Variants in PLCB4 observed in about 807,000 individuals in gnomAD.
PLCB4 encodes the protein phospholipase C beta 4.
A neutral mutation model predicts 178.8 loss-of-function variants in PLCB4; 77 were observed. That is an observed-to-expected ratio of 0.43 (90% CI 0.36 to 0.52). PLCB4 has a LOEUF of 0.52. Among genes scored for constraint, PLCB4 ranks in the 20% least tolerant of loss-of-function variants. The pLI is 0.00. For missense variants in PLCB4, 1,024 were observed against 1,453.4 expected, an observed-to-expected ratio of 0.70 and a Z score of 4.80; for synonymous variants, 496 against 490.8, an observed-to-expected ratio of 1.01 and a Z score of -0.14.
intron 35 of PLCB4, among the ~76,000 whole-genome samples, chr20:9,464,956 A>G (rs2043665029): frequency 6.6e-6 from 1 of 152,206 alleles, no homozygotes; most frequent in Non-Finnish European, 1.5e-5. Context: ...TCCTGATACC[A>G]AAGCCTGGCA....
In PLCB4 at chr20:9,387,883, T is replaced by C. The variant is rs117862636; in HGVS notation, c.1158+327T>C. Reference sequence around the variant, plus strand: ...TACTTTACATTATTCCTAAAGGACTTCAAGGTGGCATAAAAAGATAAATAG... The same window carrying C: ...TACTTTACATTATTCCTAAAGGACTCCAAGGTGGCATAAAAAGATAAATAG... On this transcript the variant is annotated intron_variant, in intron 15 of 39. Transcript: ENST00000378473. 1.8e-4 allele frequency among the ~76,000 whole-genome samples: 27 copies of C among 152,350 alleles called. 2 individuals carry two copies. In the East Asian group the frequency reaches 5.0e-3, roughly 28 times the overall value.
intron 3 of PLCB4, among the ~76,000 whole-genome samples, chr20:9,263,270 A>G (rs2094316230): frequency 6.6e-6 from 1 of 152,200 alleles, no homozygotes; most frequent in African/African-American, 2.4e-5. Context: ...GTCAAGGAAG[A>G]AAATTGTGGG....
At chr20:9,315,506 A>T (rs554702488) in intron 4 of PLCB4, among the ~76,000 whole-genome samples, 3 of 152,160 alleles carry the variant, frequency 2.0e-5, no homozygotes, top group Non-Finnish European at 4.4e-5. Context: ...TTATGTTACT[A>T]AAAGGAGTGA....
intron 8 of PLCB4, among the ~76,000 whole-genome samples, chr20:9,363,895 C>T (rs776707110): frequency 1.3e-5 from 2 of 152,232 alleles, no homozygotes; most frequent in Non-Finnish European, 2.9e-5. Flanking sequence ...AAGGTACTGT[C>T]ATGTCTTATC....
chr20:9,264,348 G>T (rs1044377267), intron 3 of PLCB4, among the ~76,000 whole-genome samples: 8 of 152,104 alleles, frequency 5.3e-5, no homozygotes, highest in African/African-American at 1.9e-4. Flanking sequence ...TTGCAGGAAC[G>T]CTTTAATTAT....
chr20:9,120,294 G>T (rs569607500), intron 2 of PLCB4, among the ~76,000 whole-genome samples: 1 of 152,214 alleles, frequency 6.6e-6, no homozygotes, highest in South Asian at 2.1e-4. Flanking sequence ...CTCTCTGAAT[G>T]TCTTATTCAA....
At chr20:9,168,212 A>G (rs2093004558) in intron 2 of PLCB4, among the ~76,000 whole-genome samples, 1 of 152,210 alleles carries the variant, frequency 6.6e-6, no homozygotes. Flanking sequence ...CACAAGTTCA[A>G]CTGTGTTTTA....
At chr20:9,168,453 G>C (rs2093008799) in intron 2 of PLCB4, among the ~76,000 whole-genome samples, 1 of 152,196 alleles carries the variant, frequency 6.6e-6, no homozygotes, top group Non-Finnish European at 1.5e-5. Flanking sequence ...CGGTCTGTGG[G>C]CTTGTTATCG....
intron 3 of PLCB4, among the ~76,000 whole-genome samples, chr20:9,283,956 A>G (rs576823588): frequency 6.6e-6 from 1 of 152,136 alleles, no homozygotes; most frequent in South Asian, 2.1e-4. Flanking sequence ...GAGAAAAGTC[A>G]GAAGAGGGAC....
chr20:9,136,586 G>A (rs1271432367), intron 2 of PLCB4, among the ~76,000 whole-genome samples: 2 of 152,054 alleles, frequency 1.3e-5, no homozygotes, highest in Non-Finnish European at 2.9e-5. Context: ...GGCTTTTTAA[G>A]TGTGGTTGAT....
rs535241217 is a variant in PLCB4, at chr20:9,115,393, A to G, written c.-79+19051A>G. 2.0e-5 allele frequency among the ~76,000 whole-genome samples: 3 copies of G among 151,548 alleles called. No homozygotes were observed. The South Asian group carries it at 6.3e-4, about 32-fold the overall frequency. On this transcript the variant is annotated intron_variant, in intron 2 of 39. Coordinates refer to ENST00000378473, the MANE Select transcript of PLCB4 (RefSeq NM_001377142.1). Reference sequence around the variant, plus strand: ...TATTTAATAATAAAAATACCTCTACACTATAGTGCTTTATGAATAGATTTT... The same window carrying G: ...TATTTAATAATAAAAATACCTCTACGCTATAGTGCTTTATGAATAGATTTT...
intron 7 of PLCB4, among the ~76,000 whole-genome samples, chr20:9,344,374 G>A (rs1372328189): frequency 6.6e-6 from 1 of 152,140 alleles, no homozygotes; most frequent in Non-Finnish European, 1.5e-5. Context: ...TTCTTAGCAC[G>A]ACTTACTTAC....
At chr20:9,355,584 A>T (rs1295426674) in intron 7 of PLCB4, among the ~76,000 whole-genome samples, 4 of 151,916 alleles carry the variant, frequency 2.6e-5, no homozygotes, top group African/African-American at 9.7e-5. Flanking sequence ...ACTGAGAATG[A>T]TGATTTCCAA....
intron 2 of PLCB4, among the ~76,000 whole-genome samples, chr20:9,121,937 G>A (rs545024693): frequency 6.6e-6 from 1 of 152,062 alleles, no homozygotes; most frequent in South Asian, 2.1e-4. Context: ...TATTACCAGC[G>A]GCATTCCTGT....
chr20:9,346,608 A>C (rs2033818923), intron 7 of PLCB4, among the ~76,000 whole-genome samples: 1 of 152,070 alleles, frequency 6.6e-6, no homozygotes. Context: ...CCAAGACTGA[A>C]AGTTGACATT....
chr20:9,400,107 G>A (rs970800901), intron 19 of PLCB4, among the ~76,000 whole-genome samples: 1 of 152,050 alleles, frequency 6.6e-6, no homozygotes, highest in Non-Finnish European at 1.5e-5. Context: ...TGTTGTTGTT[G>A]TTGTTTGGAT....
At position 9,473,256 on chromosome 20, in the gene PLCB4, T is replaced by A. The variant is rs2044309491; in HGVS notation, c.3409-23T>A. 1.7e-5 allele frequency: 4 copies of A among 232,654 alleles called. No individual in the cohort carries two copies. In the African/African-American group the frequency reaches 3.1e-4, roughly 18 times the overall value. The allele number at this position is 232,654 out of a possible 1,614,324, so 14.4% of individuals were successfully genotyped here. On this transcript the variant is annotated intron_variant, in intron 37 of 39. Transcript: ENST00000378473. ...TTGTAACCCAAAGTTCAATCAGAAT[T>A]TTTTTTTTTTTTTTTTTTGCAGCTT...
At chr20:9,308,253 A>G (rs539055381) in intron 4 of PLCB4, among the ~76,000 whole-genome samples, 1 of 152,290 alleles carries the variant, frequency 6.6e-6, no homozygotes, top group African/African-American at 2.4e-5. Flanking sequence ...TTCTACATTT[A>G]ACTTTGTATG....
At chr20:9,070,536 G>C (rs1051000435) in intron 1 of PLCB4, among the ~76,000 whole-genome samples, 27 of 152,094 alleles carry the variant, frequency 1.8e-4, no homozygotes, top group Admixed American at 5.9e-4. Context: ...GTTTTTCATA[G>C]GACAGTCTTG....
Sources: gnomAD v4.1 joint callset for allele counts (sites outside exome capture counted in the v4.1 genomes callset) on GRCh38, gnomAD v4.1.1 for gene constraint, MANE v1.5 for transcripts, NCBI Gene and HGNC (gene_info 2026-07-23, HGNC 2026-07-21) for gene names.